Variants in LARGE2 observed in about 807,000 individuals in gnomAD.
LARGE2 encodes LARGE xylosyl- and glucuronyltransferase 2.
Under a neutral mutation model 75.3 loss-of-function variants are expected in LARGE2, and 63 were observed. The observed-to-expected ratio is 0.84, with a 90% CI of 0.68 to 1.03. LARGE2 has a LOEUF of 1.03. LARGE2 is among the 50% of genes least tolerant of loss of function. LARGE2 has a pLI of 0.00. For synonymous variants in LARGE2, 428 were observed against 420.1 expected, an observed-to-expected ratio of 1.02 and a Z score of -0.23; for missense variants, 925 against 980.6, an observed-to-expected ratio of 0.94 and a Z score of 0.76.
At position 45,926,823 on chromosome 11, in the gene LARGE2, C is replaced by G. The variant is rs764383861; in HGVS notation, c.1277C>G (p.Pro426Arg). The part of the protein sequence containing the change: ...HVTFLPHEPP[P>R]PRPHDVTLVA... ...ACTTTCCTGCCCCATGAACCGCCAC[C>G]CCCCCGGCCTCACGATGTCACCCTT... is the stretch of plus-strand genomic sequence containing the variant. Residue 426 changes from proline to arginine, a missense_variant, in exon 10 of 14, where the codon CCC becomes CGC. Physicochemically the swap from Pro to Arg is moderately radical, Grantham distance 103 (BLOSUM62 -2). Around this residue, in one of 3 missense-constraint regions of LARGE2, gnomAD observed 469 missense variants for 503.8 expected, o/e 0.93. Transcript: ENST00000401752. 1 of 1,613,224 alleles carries G rather than the reference C, an allele frequency of 6.2e-7. No individual in the cohort carries two copies. Among genetic ancestry groups the G allele is most frequent in the African/African-American group, 1.3e-5 (1 of 74,896 alleles).
At chr11:45,922,220 G>A (rs1035732296), upstream of LARGE2, among the ~76,000 whole-genome samples, 4 of 152,154 alleles carry the variant, frequency 2.6e-5, no homozygotes, top group Non-Finnish European at 5.9e-5. Flanking sequence ...CGCGGCTCTG[G>A]CGCAGGTGTC....
chr11:45,926,938 T>C, intron 10 of LARGE2, 67 bp downstream of exon 10: 5 of 1,476,638 alleles, frequency 3.4e-6, no homozygotes, highest in African/African-American at 1.4e-5. Context: ...TGAGAGGAGG[T>C]TCCATCTGGC....
chr11:45,924,028 A>G (rs2087039562), intron 3 of LARGE2, 126 bp from the exon 4 acceptor site: 2 of 608,036 alleles, frequency 3.3e-6, no homozygotes, highest in South Asian at 3.8e-5. Flanking sequence ...AAAAAAGAAC[A>G]TCCTGAGCCG....
Position 45,926,913 on chromosome 11 carries a change from G to A in LARGE2, c.1325+42G>A, listed in dbSNP as rs182112944. 139 of 1,560,860 alleles carry A rather than the reference G, an allele frequency of 8.9e-5. 1 individual carries two copies. In the African/African-American group the frequency reaches 1.3e-3, roughly 15 times the overall value. ...CAGCCCAGGGGGTATGGCATGGGCT[G>A]GGGTTGGACACTTCTGAGAGGAGGT... is the stretch of plus-strand genomic sequence containing the variant. On this transcript the variant is annotated intron_variant, in intron 10 of 13. Transcript: ENST00000401752.
chr11:45,928,115 T>A, intron 12 of LARGE2, 46 bp downstream of exon 12: 2 of 1,612,738 alleles, frequency 1.2e-6, no homozygotes, highest in Non-Finnish European at 1.7e-6. Flanking sequence ...TTGCCCACAC[T>A]GGCCCCCACT....
At chr11:45,924,342 G>A in intron 4 of LARGE2, 65 bp downstream of exon 4, 2 of 1,590,764 alleles carry the variant, frequency 1.3e-6, no homozygotes, top group Non-Finnish European at 1.7e-6. Context: ...TCCAAGACCT[G>A]GTGGGGTTGG....
Position 45,926,484 on chromosome 11 carries a change from A to T in LARGE2, c.1051A>T (p.Lys351Ter). The T allele has an allele frequency of 6.2e-7, 1 of 1,614,074 alleles. No homozygotes were observed. Among genetic ancestry groups the T allele is most frequent in the Non-Finnish European group, 8.5e-7 (1 of 1,180,026 alleles). Residue 351 changes from lysine (K) to a stop codon, truncating the protein, a stop_gained, in exon 9 of 14, where the codon AAG becomes TAG. Transcript: ENST00000401752. LOFTEE classifies it high-confidence loss of function. ...ACCAAAGAAGCTTCGGGTGAAGAACAAGCATGTGGAATTCTTCCGCAATTT... is the reference window on the plus strand; with the variant it reads ...ACCAAAGAAGCTTCGGGTGAAGAACTAGCATGTGGAATTCTTCCGCAATTT... ...NSPKKLRVKNKHVEFFRNFYL... is the reference protein window; with the variant it reads ...NSPKKLRVKN
At position 45,926,608 on chromosome 11, in the gene LARGE2, G is replaced by C. The variant is rs369564029; in HGVS notation, c.1164+11G>C. The C allele has an allele frequency of 4.3e-6, 7 of 1,613,858 alleles. No individual in the cohort carries two copies. The African/African-American group carries it at 9.3e-5, about 22-fold the overall frequency. On this transcript the variant is annotated intron_variant, in intron 9 of 13. Transcript: ENST00000401752. ...CCTGGTGCTGAGCAGGTGAGAAGGAGTCACCTTCCCCTGCCCCTCTCTGCT... is the reference window on the plus strand; with the variant it reads ...CCTGGTGCTGAGCAGGTGAGAAGGACTCACCTTCCCCTGCCCCTCTCTGCT...
rs1235749198 is a variant in LARGE2 at position 45,924,274 on chromosome 11, C to T, written c.489C>T (p.Leu163=). Residue 163 remains leucine, a synonymous_variant, in exon 4 of 14, where the codon CTC becomes CTT. Coordinates refer to ENST00000401752, the MANE Select transcript of LARGE2 (RefSeq NM_001300721.2). ...VRVSFYHADQ[L]KPQVSWIPNK... Reference sequence around the variant, plus strand: ...TCAGCTTTTATCATGCCGACCAGCTCAAGGCAGGGGCCCAGCCCTTCCCCC... The same window carrying T: ...TCAGCTTTTATCATGCCGACCAGCTTAAGGCAGGGGCCCAGCCCTTCCCCC... The T allele has an allele frequency of 1.2e-5, 20 of 1,612,936 alleles. No homozygotes were observed. Among genetic ancestry groups the T allele is most frequent in the Non-Finnish European group, 1.7e-5 (20 of 1,180,010 alleles).
At chr11:45,925,959 CAAAG>C in intron 6 of LARGE2, 76 bp from the exon 7 acceptor site, 5 of 1,230,632 alleles carry the variant, frequency 4.1e-6, no homozygotes, top group Admixed American at 4.6e-5. Flanking sequence ...TGTCAAAAAA[CAAAG>C]GACACCTTCA....
intron 3 of LARGE2, among the ~76,000 whole-genome samples, chr11:45,923,810 C>T (rs2087023078): frequency 6.6e-6 from 1 of 151,454 alleles, no homozygotes; most frequent in African/African-American, 2.4e-5. Flanking sequence ...AACGGTGAAA[C>T]CCCGTCTCTA....
chr11:45,925,831 C>T (rs2087117991), intron 6 of LARGE2, among the ~76,000 whole-genome samples: 1 of 152,108 alleles, frequency 6.6e-6, no homozygotes, highest in African/African-American at 2.4e-5. Context: ...CACTGCACCA[C>T]TCCAGCCTGG....
At chr11:45,923,617 C>A in intron 3 of LARGE2, 62 bp downstream of exon 3, 1 of 1,433,656 alleles carries the variant, frequency 7.0e-7, no homozygotes, top group Non-Finnish European at 9.8e-7. Flanking sequence ...CCGGGACAGG[C>A]TGCTGGTCTC....
rs140461750 is a variant in LARGE2, at chr11:45,922,839, C to T, written c.-44C>T. 4.7e-4 allele frequency: 584 copies of T among 1,236,880 alleles called. 5 individuals carry two copies. In the African/African-American group the frequency reaches 8.2e-3, roughly 17 times the overall value. 76.6% of individuals were successfully genotyped at this position (1,236,880 alleles called of 1,614,324 possible). A position where few individuals can be genotyped will look rare whatever the true frequency, so the allele number is the denominator to read the frequency against. On this transcript the variant is annotated 5_prime_UTR_variant, in exon 2 of 14. Coordinates refer to ENST00000401752, the MANE Select transcript of LARGE2 (RefSeq NM_001300721.2). ...TCCGCAGGGCCTGCGATGGAGCCTGCAGCCCCGGGTCGCGTCCCTCCCTGA... is the reference window on the plus strand; with the variant it reads ...TCCGCAGGGCCTGCGATGGAGCCTGTAGCCCCGGGTCGCGTCCCTCCCTGA...
chr11:45,929,024 C>A lies in LARGE2; in HGVS notation c.*179C>A. ...GGCTGGGGACTGGTCTCTCTCTGCC[C>A]CAGCCAGTTTGGGGCTGGTTCCCCC... On this transcript the variant is annotated 3_prime_UTR_variant, in exon 14 of 14. Coordinates refer to ENST00000401752, the MANE Select transcript of LARGE2 (RefSeq NM_001300721.2). 1.3e-6 allele frequency: 1 copy of A among 772,198 alleles called. No individual in the cohort carries two copies. The highest frequency in any genetic ancestry group is 2.0e-6 in the Non-Finnish European group (1 of 492,944). The allele number at this position is 772,198 out of a possible 1,614,324, so 47.8% of individuals were successfully genotyped here.
At chr11:45,922,385 G>A (rs1227247223), upstream of LARGE2, among the ~76,000 whole-genome samples, 2 of 152,118 alleles carry the variant, frequency 1.3e-5, no homozygotes, top group African/African-American at 4.8e-5. Context: ...GGGAGGAGAC[G>A]CGGCCCCAGA....
chr11:45,928,326 G>A lies in LARGE2; in HGVS notation c.1904G>A (p.Gly635Asp). 5 of 1,614,184 alleles carry A rather than the reference G, an allele frequency of 3.1e-6. No individual in the cohort carries two copies. The highest frequency in any genetic ancestry group is 4.2e-6 in the Non-Finnish European group (5 of 1,180,044). ...DCPRYDPRFV[G>D]FGWNKVAHIV... The stretch of plus-strand genomic sequence containing the variant: ...CCCCGCTATGATCCTCGCTTTGTGG[G>A]CTTCGGCTGGAACAAAGTGGCCCAC... The change falls in exon 13 of 14, where the codon GGC becomes GAC. Residue 635 changes from glycine to aspartate, a missense_variant. Transcript: ENST00000401752.
Position 45,928,744 on chromosome 11 carries a change from C to G in LARGE2, c.2065C>G (p.Leu689Val), listed in dbSNP as rs755761682. The change falls in exon 14 of 14, where the codon CTC becomes GTC. Residue 689 changes from leucine to valine, a missense_variant. By Grantham distance (32) the Leu-to-Val change is conservative. Around this residue, in one of 3 missense-constraint regions of LARGE2, gnomAD observed 469 missense variants for 503.8 expected, o/e 0.93. Transcript: ENST00000401752. ...SPTYRDCLQA[L>V]KDEFHQDLSR... ...CACCTATCGTGACTGCCTCCAGGCC[C>G]TCAAGGACGAATTCCACCAGGACTT... 1 of 1,614,168 alleles carries G rather than the reference C, an allele frequency of 6.2e-7. No individual in the cohort carries two copies. The highest frequency in any genetic ancestry group is 1.1e-5 in the South Asian group (1 of 91,088).
Position 45,927,549 on chromosome 11 carries a change from T to C in LARGE2, c.1560T>C (p.Ser520=). 4.3e-6 allele frequency: 7 copies of C among 1,614,100 alleles called. No homozygotes were observed. The highest frequency in any genetic ancestry group is 2.7e-5 in the African/African-American group (2 of 75,052). The change falls in exon 11 of 14, where the codon AGT becomes AGC. Residue 520 remains serine (S), a synonymous_variant. Transcript: ENST00000401752. ...CCCTCACGCCTTACGTCTTCCTCAG[T>C]GACATTGACTTCCTGCCTGCCTATT... ...AQALTPYVFL[S]DIDFLPAYSL...
Sources: allele counts gnomAD v4.1 joint callset (sites outside exome capture counted in the v4.1 genomes callset), GRCh38; gene constraint gnomAD v4.1.1; regional missense constraint gnomAD v4.1.1; transcripts MANE v1.5; gene names NCBI Gene and HGNC (gene_info 2026-07-23, HGNC 2026-07-21).